DNAJC3: variants seen among roughly 807,000 people sequenced by gnomAD.
DNAJC3 encodes the protein DnaJ heat shock protein family (Hsp40) member C3.
In DNAJC3, 38 loss-of-function variants were observed where a neutral mutation model predicts 68.6. That is an observed-to-expected ratio of 0.55 (90% CI 0.43 to 0.73). The LOEUF (loss-of-function observed/expected upper bound fraction) is 0.73, where lower values mean the gene tolerates loss of function less well. Ranked by LOEUF, DNAJC3 falls within the 30% of genes least tolerant of loss-of-function variation. The probability of loss-of-function intolerance (pLI) is 0.00; values close to 1 mark genes in which losing one functional copy is unlikely to be tolerated. For missense variants in DNAJC3, 526 were observed against 591.9 expected (o/e 0.89, Z 1.16); for synonymous variants, 203 against 204.0 (o/e 1.00, Z 0.04).
chr13:95,700,695 T>C (rs1013451122), intron 1 of DNAJC3, among the ~76,000 whole-genome samples: 2 of 152,196 alleles, frequency 1.3e-5, no homozygotes, highest in African/African-American at 4.8e-5. Flanking sequence ...GTAAGTTGCT[T>C]TGGGTATCCT....
intron 2 of DNAJC3, among the ~76,000 whole-genome samples, chr13:95,721,251 A>G (rs1881313063): frequency 6.6e-6 from 1 of 152,162 alleles, no homozygotes; most frequent in Non-Finnish European, 1.5e-5. Context: ...TTTCTCTGTA[A>G]GGCTGAATGA....
intron 4 of DNAJC3, among the ~76,000 whole-genome samples, chr13:95,725,523 T>C (rs1404365250): frequency 3.3e-5 from 5 of 152,210 alleles, no homozygotes; most frequent in African/African-American, 1.2e-4. Context: ...GCTTGCTTGT[T>C]CTGCTTTGTC....
At chr13:95,691,959 GCAGGAGAAT>G (rs1306196474) in intron 1 of DNAJC3, among the ~76,000 whole-genome samples, 1 of 152,206 alleles carries the variant, frequency 6.6e-6, no homozygotes, top group Non-Finnish European at 1.5e-5. Flanking sequence ...GCAGGTTGAG[GCAGGAGAAT>G]CAGGCAGGGA....
intron 1 of DNAJC3, among the ~76,000 whole-genome samples, chr13:95,690,738 C>T (rs1415269947): frequency 6.9e-6 from 1 of 144,340 alleles, no homozygotes; most frequent in African/African-American, 2.6e-5. Context: ...GTAGGGGCGG[C>T]CGGGCAGAGG....
chr13:95,762,017 T>C (rs1316656306), intron 7 of DNAJC3, among the ~76,000 whole-genome samples: 2 of 152,188 alleles, frequency 1.3e-5, no homozygotes, highest in Non-Finnish European at 2.9e-5. Context: ...TTACTGCAGT[T>C]TGTTTAACCA....
At chr13:95,712,934 C>T (rs771331134) in intron 2 of DNAJC3, among the ~76,000 whole-genome samples, 4 of 151,992 alleles carry the variant, frequency 2.6e-5, no homozygotes, top group Non-Finnish European at 5.9e-5. Flanking sequence ...GGGGTGGTTA[C>T]CCCCATGCTG....
At chr13:95,691,726 C>T (rs1259609570) in intron 1 of DNAJC3, among the ~76,000 whole-genome samples, 66 of 152,126 alleles carry the variant, frequency 4.3e-4, no homozygotes, top group Non-Finnish European at 7.8e-4. Context: ...GAGGTTGTAG[C>T]GAGCCGAGAT....
intron 6 of DNAJC3, 66 bp downstream of exon 6, chr13:95,760,287 T>C (rs1882784519): frequency 1.6e-6 from 2 of 1,289,448 alleles, no homozygotes; most frequent in Non-Finnish European, 1.0e-6. Context: ...CCTCATCTTG[T>C]TTTAACATTT....
chr13:95,708,434 A>G (rs1245496056), intron 1 of DNAJC3, among the ~76,000 whole-genome samples: 2 of 152,148 alleles, frequency 1.3e-5, no homozygotes, highest in Non-Finnish European at 2.9e-5. Flanking sequence ...ACCTCATACT[A>G]CTATCTTCCT....
chr13:95,771,102 T>G (rs1285886107), intron 9 of DNAJC3, among the ~76,000 whole-genome samples: 1 of 152,212 alleles, frequency 6.6e-6, no homozygotes, highest in Non-Finnish European at 1.5e-5. Context: ...TCAGTTCATC[T>G]TTTTATGATG....
intron 2 of DNAJC3, among the ~76,000 whole-genome samples, chr13:95,710,915 CT>C (rs1190783500): frequency 1.3e-5 from 2 of 151,996 alleles, no homozygotes; most frequent in Admixed American, 6.6e-5. Context: ...GTCTCAAACT[CT>C]TGTTCTCAAG....
In DNAJC3 at chr13:95,786,335, A is replaced by AT. The variant is rs563908665; in HGVS notation, c.1208+270dup. Among the ~76,000 whole-genome samples the AT allele has an allele frequency of 7.9e-5, 12 of 152,210 alleles. No individual in the cohort carries two copies. The South Asian group carries it at 1.0e-3, about 13-fold the overall frequency. ...TAGCATGAATGGGTCCTAAGCCTAG[A>AT]TTTTTTAAGAAGGGTAAAGGGGTAG... On this transcript the variant is annotated intron_variant, in intron 10 of 11. Transcript: ENST00000602402.
intron 7 of DNAJC3, among the ~76,000 whole-genome samples, chr13:95,761,793 C>A (rs1292672961): frequency 6.7e-6 from 1 of 150,010 alleles, no homozygotes; most frequent in African/African-American, 2.5e-5. Flanking sequence ...TTGAGACAAT[C>A]TCACTATGTT....
intron 1 of DNAJC3, among the ~76,000 whole-genome samples, chr13:95,691,165 C>T (rs1428513363): frequency 6.0e-5 from 9 of 150,936 alleles, no homozygotes; most frequent in African/African-American, 9.8e-5. Flanking sequence ...ACCTCCCTCC[C>T]GGACGGGGCT....
At chr13:95,781,566 G>GTA (rs1016857015) in intron 9 of DNAJC3, among the ~76,000 whole-genome samples, 1 of 152,140 alleles carries the variant, frequency 6.6e-6, no homozygotes, top group African/African-American at 2.4e-5. Flanking sequence ...GGCAAGGAGG[G>GTA]TAGGCAAACG....
chr13:95,696,066 A>G (rs893606922), intron 1 of DNAJC3, among the ~76,000 whole-genome samples: 5 of 152,210 alleles, frequency 3.3e-5, no homozygotes, highest in African/African-American at 9.6e-5. Flanking sequence ...ACATGCATAT[A>G]AGCATGTACT....
chr13:95,703,069 T>C (rs774107229), intron 1 of DNAJC3, among the ~76,000 whole-genome samples: 1 of 152,260 alleles, frequency 6.6e-6, no homozygotes, highest in Non-Finnish European at 1.5e-5. Context: ...AAAGTCATCG[T>C]GAACACTGCA....
At chr13:95,689,100 A>C (rs1235945738) in intron 1 of DNAJC3, among the ~76,000 whole-genome samples, 1 of 149,594 alleles carries the variant, frequency 6.7e-6, no homozygotes, top group Non-Finnish European at 1.5e-5. Flanking sequence ...CTGGTTTCAT[A>C]GAATGAGTTA....
In DNAJC3 at chr13:95,760,924, G is replaced by A; in HGVS notation, c.848+126G>A. The stretch of plus-strand genomic sequence containing the variant: ...GGTGGGGTATTCTAGATAGCCCTGG[G>A]CCTTAGCAAAACTACCAGAATTGGA... On this transcript the variant is annotated intron_variant, in intron 7 of 11. Coordinates refer to ENST00000602402, the MANE Select transcript of DNAJC3 (RefSeq NM_006260.5). The A allele has an allele frequency of 2.2e-6, 3 of 1,336,892 alleles. No homozygotes were observed. The South Asian group carries it at 4.3e-5, about 19-fold the overall frequency. The allele number at this position is 1,336,892 out of a possible 1,614,324, so 82.8% of individuals were successfully genotyped here.
Sources: allele counts gnomAD v4.1 joint callset (sites outside exome capture counted in the v4.1 genomes callset), GRCh38; gene constraint gnomAD v4.1.1; transcripts MANE v1.5; gene names NCBI Gene and HGNC (gene_info 2026-07-23, HGNC 2026-07-21).